PPP2R5C: variants seen among roughly 807,000 people sequenced by gnomAD.
The protein encoded by PPP2R5C is protein phosphatase 2 regulatory subunit B'gamma, also known as serine/threonine-protein phosphatase 2A 56 kDa regulatory subunit gamma isoform.
In PPP2R5C, 7 loss-of-function variants were observed where a neutral mutation model predicts 68.9. The ratio of observed to expected loss-of-function variants is 0.10; its 90% CI spans 0.06 to 0.19. PPP2R5C has a LOEUF of 0.19. PPP2R5C is among the 10% of genes least tolerant of loss of function. The probability of loss-of-function intolerance (pLI) is 1.00; values close to 1 mark genes in which losing one functional copy is unlikely to be tolerated. For missense variants in PPP2R5C, 348 were observed against 641.3 expected (o/e 0.54, Z 4.94); for synonymous variants, 210 against 222.2 (o/e 0.95, Z 0.49).
chr14:101,809,288 G>T (rs1197057537), upstream of PPP2R5C, among the ~76,000 whole-genome samples: 2 of 151,722 alleles, frequency 1.3e-5, no homozygotes, highest in African/African-American at 2.4e-5. Context: ...AAGAAAAAAA[G>T]TGTTTGGGAT....
intron 10 of PPP2R5C, among the ~76,000 whole-genome samples, chr14:101,908,857 T>C (rs2046220157): frequency 6.6e-6 from 1 of 152,230 alleles, no homozygotes. Context: ...ACTTGGGTTT[T>C]ATTACAAAGT....
At chr14:101,868,906 T>TTTTGTTTG (rs543692887) in intron 2 of PPP2R5C, among the ~76,000 whole-genome samples, 4 of 151,930 alleles carry the variant, frequency 2.6e-5, no homozygotes, top group African/African-American at 9.7e-5. Context: ...TTTCTTTTGG[T>TTTTGTTTG]TTTGTTTGTT....
rs931358259 is a variant in PPP2R5C at position 101,825,480 on chromosome 14, G to A, written c.94+15444G>A. 6.6e-6 allele frequency among the ~76,000 whole-genome samples: 1 copy of A among 152,064 alleles called. No homozygotes were observed. Among genetic ancestry groups the A allele is most frequent in the Admixed American group, 6.6e-5 (1 of 15,254 alleles). ...TCCTAGTCCTTATCGTAGAGTGCAC[G>A]CTCCCAGCTTTTGCCCAGCCTATTT... On this transcript the variant is annotated intron_variant, in intron 1 of 13. Coordinates refer to ENST00000334743, the Ensembl canonical transcript of PPP2R5C. This position sits in a 1 kb window ranked among gnomAD's most constrained non-coding sequence, Gnocchi z 4.0.
intron 11 of PPP2R5C, among the ~76,000 whole-genome samples, chr14:101,910,079 T>C (rs2046299247): frequency 6.6e-6 from 1 of 152,208 alleles, no homozygotes. Context: ...AGAATCTTCA[T>C]TTCAATGTAG....
Position 101,877,757 on chromosome 14 carries a change from T to C in PPP2R5C, c.295-4404T>C, listed in dbSNP as rs146816644. On this transcript the variant is annotated intron_variant, in intron 2 of 13. Transcript: ENST00000334743. This position sits in a 1 kb window ranked among gnomAD's most constrained non-coding sequence, Gnocchi z 4.2. ...GTATTACTTTTTACTTAACCTTTTC[T>C]AGAGATATGCACTAAATTAATGCAA... 4.4e-3 allele frequency among the ~76,000 whole-genome samples: 665 copies of C among 152,332 alleles called. 1 individual carries two copies. The highest frequency in any genetic ancestry group is 5.7e-3 in the Non-Finnish European group (390 of 68,030).
chr14:101,807,146 C>T (rs972017096), upstream of PPP2R5C, among the ~76,000 whole-genome samples: 2 of 151,212 alleles, frequency 1.3e-5, no homozygotes, highest in African/African-American at 4.9e-5. Flanking sequence ...GTTTAAGCCA[C>T]GTCAAATTTT....
chr14:101,849,564 T>G (rs754176084), intron 1 of PPP2R5C, among the ~76,000 whole-genome samples: 4 of 141,860 alleles, frequency 2.8e-5, no homozygotes, highest in Non-Finnish European at 6.3e-5. Context: ...GTTTATATAT[T>G]CTGGATATGA....
Position 101,781,415 on chromosome 14 carries a change from G to T in PPP2R5C, c.94-4603G>T, listed in dbSNP as rs1264768591. 6.6e-6 allele frequency among the ~76,000 whole-genome samples: 1 copy of T among 152,174 alleles called. No individual in the cohort carries two copies. Among genetic ancestry groups the T allele is most frequent in the Non-Finnish European group, 1.5e-5 (1 of 68,010 alleles). On this transcript the variant is annotated intron_variant, in intron 2 of 14. Transcript: ENST00000328724. The surrounding 1 kb of genome is among the most constrained non-coding windows in gnomAD (Gnocchi z 6.4). ...GCTAGGCTGCCAAGGCGCGCTGTGCGCGTGGGGCCAGGCTCGACCTCACTC... is the reference window on the plus strand; with the variant it reads ...GCTAGGCTGCCAAGGCGCGCTGTGCTCGTGGGGCCAGGCTCGACCTCACTC...
At chr14:101,765,325 C>T (rs1595102770) in intron 2 of PPP2R5C, 1 of 694,454 alleles carries the variant, frequency 1.4e-6, no homozygotes, top group Non-Finnish European at 2.6e-6. Flanking sequence ...AGTTGGGACA[C>T]TTCTGTTCAT....
At chr14:101,867,503 C>T (rs1212280595) in intron 2 of PPP2R5C, among the ~76,000 whole-genome samples, 1 of 152,148 alleles carries the variant, frequency 6.6e-6, no homozygotes, top group Admixed American at 6.5e-5. Flanking sequence ...AGCGGCCAGG[C>T]GCGGTAGCTC....
chr14:101,887,644 G>T (rs747089233), intron 5 of PPP2R5C, among the ~76,000 whole-genome samples: 1 of 152,200 alleles, frequency 6.6e-6, no homozygotes, highest in Non-Finnish European at 1.5e-5. Context: ...ACGTCCAAGA[G>T]GGGAGAGGCA....
Position 101,762,950 on chromosome 14 carries a change from C to CTGT in PPP2R5C, c.73_74insTGT (p.Gln25delinsLeuTer). 6.3e-7 allele frequency: 1 copy of CTGT among 1,580,228 alleles called. No individual in the cohort carries two copies. Among genetic ancestry groups the CTGT allele is most frequent in the East Asian group, 2.3e-5 (1 of 43,642 alleles). On this transcript the variant is annotated stop_gained and protein_altering_variant, in exon 2 of 15. Coordinates refer to the PPP2R5C transcript ENST00000328724. LOFTEE classifies it high-confidence loss of function. The stretch of plus-strand genomic sequence containing the variant: ...GAGTGGAAAAAGTTCAAAAGAAGGA[C>CTGT]AAGACACAGTAGAATCAGAGGTAAC...
chr14:101,785,048 G>T (rs2038025705), intron 2 of PPP2R5C, among the ~76,000 whole-genome samples: 1 of 152,186 alleles, frequency 6.6e-6, no homozygotes, highest in South Asian at 2.1e-4. Flanking sequence ...CAGCGTTGCA[G>T]GTTGGCTGCA....
chr14:101,795,735 T>C lies in PPP2R5C; in HGVS notation c.259+9552T>C, dbSNP rs191305593. Among the ~76,000 whole-genome samples the C allele has an allele frequency of 6.4e-4, 98 of 152,358 alleles. 1 individual carries two copies. In the Middle Eastern group the frequency reaches 0.014, roughly 21 times the overall value. ...TTATTGTTAGAATTTACTTGAATTG[T>C]TTAAAATTGGCTTTTGAATACCAGT... On this transcript the variant is annotated intron_variant, in intron 3 of 14. Coordinates refer to the PPP2R5C transcript ENST00000328724.
chr14:101,880,291 T>C (rs2044073760), intron 2 of PPP2R5C, among the ~76,000 whole-genome samples: 1 of 152,276 alleles, frequency 6.6e-6, no homozygotes, highest in South Asian at 2.1e-4. Flanking sequence ...TAGTTGTTCC[T>C]GGCTTTTCAG....
intron 5 of PPP2R5C, among the ~76,000 whole-genome samples, chr14:101,889,490 C>A (rs2044722105): frequency 6.6e-6 from 1 of 152,196 alleles, no homozygotes; most frequent in African/African-American, 2.4e-5. Context: ...GCCAGGCTTG[C>A]TCCTAGCCCT....
intron 8 of PPP2R5C, among the ~76,000 whole-genome samples, chr14:101,900,890 C>A (rs1167359091): frequency 6.6e-6 from 1 of 152,264 alleles, no homozygotes; most frequent in Middle Eastern, 3.2e-3. Flanking sequence ...GCAGCCTGCT[C>A]ACCGCAGGCC....
At chr14:101,761,687 T>TGCA, upstream of PPP2R5C, 1 of 224,344 alleles carries the variant, frequency 4.5e-6, no homozygotes, top group Non-Finnish European at 6.8e-6. Context: ...ACGCCGCCGC[T>TGCA]GCCGCCGCCG....
In PPP2R5C at chr14:101,797,415, GC is replaced by G. The variant is rs1447938901; in HGVS notation, c.259+11234del. 9.8e-6 allele frequency: 4 copies of G among 409,814 alleles called. No homozygotes were observed. Among genetic ancestry groups the G allele is most frequent in the Admixed American group, 7.5e-5 (3 of 40,114 alleles). The allele number at this position is 409,814 out of a possible 1,614,324, so 25.4% of individuals were successfully genotyped here. A position where few individuals can be genotyped will look rare whatever the true frequency, so the allele number is the denominator to read the frequency against. ...GCCTGTGTCATCCATTCGAGCATCT[GC>G]CAAGGACCCAGGAAACACACAGTGT... On this transcript the variant is annotated intron_variant, in intron 3 of 14. Transcript: ENST00000328724. The surrounding 1 kb of genome is among the most constrained non-coding windows in gnomAD (Gnocchi z 4.2).
Sources: allele counts gnomAD v4.1 joint callset (sites outside exome capture counted in the v4.1 genomes callset), GRCh38; gene constraint gnomAD v4.1.1; non-coding constraint Gnocchi (gnomAD v3.1); transcripts MANE v1.5; gene names NCBI Gene and HGNC (gene_info 2026-07-23, HGNC 2026-07-21).